PTPRR: variants seen among roughly 807,000 people sequenced by gnomAD.
The protein encoded by PTPRR is receptor-type tyrosine-protein phosphatase R.
Under a neutral mutation model 77.2 loss-of-function variants are expected in PTPRR, and 38 were observed. The observed-to-expected ratio is 0.49, with a 90% CI of 0.38 to 0.65. The LOEUF (loss-of-function observed/expected upper bound fraction) is 0.65, where lower values mean the gene tolerates loss of function less well. Ranked by LOEUF, PTPRR falls within the 30% of genes least tolerant of loss-of-function variation. The pLI, the probability that PTPRR is intolerant of heterozygous loss-of-function variation, is 0.00. For missense variants in PTPRR, 744 were observed against 799.2 expected (o/e 0.93, Z 0.83); for synonymous variants, 299 against 283.1 (o/e 1.06, Z -0.57).
At chr12:70,780,292 A>T (rs546562577) in intron 2 of PTPRR, among the ~76,000 whole-genome samples, 82 of 152,268 alleles carry the variant, frequency 5.4e-4, no homozygotes, top group Middle Eastern at 6.8e-3. Flanking sequence ...ACCTGGCTGA[A>T]ACTCACTTTT....
intron 8 of PTPRR, among the ~76,000 whole-genome samples, chr12:70,691,039 CTA>C (rs1324987993): frequency 2.0e-5 from 3 of 152,028 alleles, no homozygotes; most frequent in African/African-American, 7.2e-5. Flanking sequence ...AAGGTCAGTT[CTA>C]TATATCCTTC....
intron 6 of PTPRR, among the ~76,000 whole-genome samples, chr12:70,730,142 C>A (rs1273816056): frequency 6.6e-6 from 1 of 152,134 alleles, no homozygotes; most frequent in Admixed American, 6.6e-5. Context: ...CTGTCACACC[C>A]AAGCCTCGAT....
In PTPRR at chr12:70,701,172, C is replaced by A. The variant is rs144918296; in HGVS notation, c.1159G>T (p.Val387Leu). The change falls in exon 7 of 14, where the codon GTG (valine) becomes TTG (leucine). Residue 387 changes from valine to leucine, a missense_variant. Physicochemically the swap from Val to Leu is conservative, Grantham distance 32. Around this residue, in one of 3 missense-constraint regions of PTPRR, gnomAD observed 570 missense variants for 573.2 expected, o/e 0.99. Coordinates refer to ENST00000283228, the MANE Select transcript of PTPRR (RefSeq NM_002849.4). Reference sequence around the variant, plus strand: ...CTTTGGAGTAAATGTGAACTTGCCACGACGTCCCTCAGCTGAGACCTTGTG... The same window carrying A: ...CTTTGGAGTAAATGTGAACTTGCCAAGACGTCCCTCAGCTGAGACCTTGTG... ...ILTRSQLRDV[V>L]ASSHLLQSEF... 14 of 1,613,754 alleles carry A rather than the reference C, an allele frequency of 8.7e-6. No individual in the cohort carries two copies. In the East Asian group the frequency reaches 3.1e-4, roughly 36 times the overall value.
chr12:70,746,997 A>C (rs1040786351), intron 5 of PTPRR, among the ~76,000 whole-genome samples: 1 of 152,162 alleles, frequency 6.6e-6, no homozygotes, highest in African/African-American at 2.4e-5. Flanking sequence ...TATTCACATG[A>C]TAAATATTTA....
chr12:70,721,344 C>T (rs1889244944), intron 6 of PTPRR, among the ~76,000 whole-genome samples: 1 of 152,146 alleles, frequency 6.6e-6, no homozygotes, highest in Non-Finnish European at 1.5e-5. Flanking sequence ...CAGAGCATTT[C>T]ATGAGGGGCA....
At chr12:70,754,162 G>T in intron 5 of PTPRR, 29 bp downstream of exon 5, 2 of 1,604,266 alleles carry the variant, frequency 1.2e-6, no homozygotes, top group Non-Finnish European at 1.7e-6. Context: ...GCTGAGCAAA[G>T]GATAAAATAT....
At chr12:70,869,117 T>C (rs1313752843) in intron 2 of PTPRR, among the ~76,000 whole-genome samples, 1 of 151,488 alleles carries the variant, frequency 6.6e-6, no homozygotes, top group Non-Finnish European at 1.5e-5. Context: ...CACACCAACA[T>C]GGCACATGAA....
At chr12:70,664,549 C>T (rs575600495) in intron 10 of PTPRR, 1 of 152,402 alleles carries the variant, frequency 6.6e-6, no homozygotes, top group African/African-American at 2.4e-5. Flanking sequence ...GCAGGGCCCT[C>T]TTTAGGAAGG....
intron 6 of PTPRR, among the ~76,000 whole-genome samples, chr12:70,735,364 G>C (rs560497627): frequency 2.0e-5 from 3 of 152,352 alleles, no homozygotes; most frequent in Non-Finnish European, 4.4e-5. Context: ...GAAGGTGAAG[G>C]AGGAGCAAAG....
chr12:70,913,643 C>T (rs1893733301), intron 1 of PTPRR, among the ~76,000 whole-genome samples: 1 of 152,138 alleles, frequency 6.6e-6, no homozygotes, highest in Non-Finnish European at 1.5e-5. Flanking sequence ...CTACAAATAG[C>T]ATCATGCCCA....
At chr12:70,744,408 G>T (rs1344914955) in intron 6 of PTPRR, among the ~76,000 whole-genome samples, 1 of 152,182 alleles carries the variant, frequency 6.6e-6, no homozygotes, top group African/African-American at 2.4e-5. Context: ...GAAACCACAG[G>T]TATTTTAGGG....
chr12:70,914,776 TTGCACCAC>T (rs777288981), intron 1 of PTPRR, among the ~76,000 whole-genome samples: 1 of 152,076 alleles, frequency 6.6e-6, no homozygotes, highest in Non-Finnish European at 1.5e-5. Context: ...GGAGCCATGA[TTGCACCAC>T]TGCACTCAAG....
At chr12:70,833,490 A>T (rs1425575180) in intron 2 of PTPRR, among the ~76,000 whole-genome samples, 1 of 152,134 alleles carries the variant, frequency 6.6e-6, no homozygotes, top group African/African-American at 2.4e-5. Flanking sequence ...GCTTGAACTC[A>T]TGGGAGCAAA....
intron 10 of PTPRR, chr12:70,672,082 C>T: frequency 7.3e-7 from 1 of 1,361,016 alleles, no homozygotes; most frequent in Non-Finnish European, 1.0e-6. Context: ...TTATCAACCT[C>T]AATGCCTTTG....
chr12:70,874,173 T>C (rs1893008767), intron 2 of PTPRR, among the ~76,000 whole-genome samples: 1 of 152,158 alleles, frequency 6.6e-6, no homozygotes, highest in African/African-American at 2.4e-5. Flanking sequence ...ACAGTACTCT[T>C]TGGGCCCATA....
At chr12:70,680,928 C>T (rs368688355) in intron 10 of PTPRR, among the ~76,000 whole-genome samples, 7 of 151,906 alleles carry the variant, frequency 4.6e-5, no homozygotes, top group South Asian at 4.2e-4. Flanking sequence ...ATGGTGCATT[C>T]GCTGGTGAGC....
Position 70,834,434 on chromosome 12 carries a change from T to C in PTPRR, c.357+58245A>G, listed in dbSNP as rs975237172. ...TCCCTTGTTCAATTTTGTCAGGCTG[T>C]TCAAATAACATGGTTAACGCAAAAT... On this transcript the variant is annotated intron_variant, in intron 2 of 13. Coordinates refer to ENST00000283228, the MANE Select transcript of PTPRR (RefSeq NM_002849.4). Among the ~76,000 whole-genome samples the C allele has an allele frequency of 3.3e-5, 5 of 152,290 alleles. No homozygotes were observed. In the East Asian group the frequency reaches 9.7e-4, roughly 29 times the overall value.
At chr12:70,661,441 ATTT>A (rs914965036) in intron 11 of PTPRR, among the ~76,000 whole-genome samples, 1 of 152,166 alleles carries the variant, frequency 6.6e-6, no homozygotes, top group Admixed American at 6.5e-5. Flanking sequence ...AATGAGATAT[ATTT>A]TGTTTCCTGC....
rs184638028 is a variant in PTPRR at position 70,779,813 on chromosome 12, C to T, written c.358-15035G>A. 9.2e-5 allele frequency among the ~76,000 whole-genome samples: 14 copies of T among 152,192 alleles called. No homozygotes were observed. In the East Asian group the frequency reaches 2.5e-3, roughly 27 times the overall value. On this transcript the variant is annotated intron_variant, in intron 2 of 13. Transcript: ENST00000283228. ...TGGAAAGGGTAACAAACCCAGGCCT[C>T]GTGCTTGAGGAAGGTATGTTCAATT...
Sources: gnomAD v4.1 joint callset for allele counts (sites outside exome capture counted in the v4.1 genomes callset) on GRCh38, gnomAD v4.1.1 for gene constraint, gnomAD v4.1.1 regional missense constraint, MANE v1.5 for transcripts, NCBI Gene and HGNC (gene_info 2026-07-23, HGNC 2026-07-21) for gene names.